The following ARL6 variants were observed in gnomAD, a reference collection of about 807,000 sequenced individuals.
ARL6 encodes ARF like GTPase 6, also known as ADP-ribosylation factor-like protein 6.
In ARL6, 18 loss-of-function variants were observed where a neutral mutation model predicts 27.1. That is an observed-to-expected ratio of 0.66 (90% CI 0.46 to 0.98). The LOEUF is 0.98. Among genes scored for constraint, ARL6 ranks in the 50% least tolerant of loss-of-function variants. ARL6 has a pLI of 0.00. For missense variants in ARL6, 187 were observed against 214.9 expected (o/e 0.87, Z 0.81); for synonymous variants, 65 against 72.3 (o/e 0.90, Z 0.51).
intron 1 of ARL6, 130 bp from the exon 2 acceptor site, chr3:97,767,951 A>C: frequency 1.2e-6 from 1 of 815,830 alleles, no homozygotes; most frequent in Non-Finnish European, 1.9e-6. Context: ...CTAAGTGCAA[A>C]GCTACATTGA....
At chr3:97,779,014 C>T (rs2037047044) in intron 2 of ARL6, among the ~76,000 whole-genome samples, 1 of 152,086 alleles carries the variant, frequency 6.6e-6, no homozygotes, top group South Asian at 2.1e-4. Flanking sequence ...AATAGTTTTT[C>T]TGATGAAAGT....
At chr3:97,787,864 G>T in intron 5 of ARL6, 126 bp from the exon 6 acceptor site, 1 of 941,350 alleles carries the variant, frequency 1.1e-6, no homozygotes. Flanking sequence ...GTCTTTAAAT[G>T]TTTCTGTGTG....
At chr3:97,776,891 T>G (rs2036935388) in intron 2 of ARL6, among the ~76,000 whole-genome samples, 1 of 152,230 alleles carries the variant, frequency 6.6e-6, no homozygotes, top group Non-Finnish European at 1.5e-5. Context: ...ACTCATAACT[T>G]GAGGTGACCT....
At chr3:97,765,842 A>C (rs1485863344) in intron 1 of ARL6, 2 of 152,248 alleles carry the variant, frequency 1.3e-5, no homozygotes, top group Non-Finnish European at 2.9e-5. Flanking sequence ...CGATTAACAA[A>C]TATTGACTGG....
chr3:97,778,491 C>G (rs1450587904), intron 2 of ARL6, among the ~76,000 whole-genome samples: 1 of 152,012 alleles, frequency 6.6e-6, no homozygotes, highest in Admixed American at 6.6e-5. Flanking sequence ...AGTAGACTAC[C>G]AGAGTGAATG....
chr3:97,785,893 T>C (rs751336805), intron 5 of ARL6, among the ~76,000 whole-genome samples: 1 of 152,188 alleles, frequency 6.6e-6, no homozygotes, highest in Non-Finnish European at 1.5e-5. Flanking sequence ...AACTGTGGAT[T>C]TGTTAGAAAT....
chr3:97,765,215 T>G (rs1365085917), intron 1 of ARL6, among the ~76,000 whole-genome samples: 4 of 56,508 alleles, frequency 7.1e-5, no homozygotes, highest in East Asian at 9.1e-4. Flanking sequence ...ATTGGGGGTG[T>G]GTGTGTGTGT....
chr3:97,794,152 G>A (rs2037877949), intron 7 of ARL6, among the ~76,000 whole-genome samples: 1 of 150,242 alleles, frequency 6.7e-6, no homozygotes, highest in African/African-American at 2.5e-5. Flanking sequence ...CAAATAGGAG[G>A]TGCTTTGGTT....
At chr3:97,780,356 C>A in intron 3 of ARL6, 136 bp downstream of exon 3, 2 of 765,550 alleles carry the variant, frequency 2.6e-6, no homozygotes, top group East Asian at 2.6e-5. Flanking sequence ...TGTTTCTAAC[C>A]ACTATGGCTG....
intron 2 of ARL6, among the ~76,000 whole-genome samples, chr3:97,772,285 C>G (rs1330294464): frequency 6.6e-6 from 1 of 152,110 alleles, no homozygotes; most frequent in African/African-American, 2.4e-5. Context: ...TTATCCACTT[C>G]TATGTTATCC....
intron 6 of ARL6, 65 bp downstream of exon 6, chr3:97,788,184 C>A: frequency 2.0e-6 from 3 of 1,512,220 alleles, no homozygotes; most frequent in Middle Eastern, 2.3e-4. Flanking sequence ...AGAGTTGTTT[C>A]TTCTGATCTC....
intron 4 of ARL6, among the ~76,000 whole-genome samples, chr3:97,781,907 C>A (rs1021336089): frequency 3.3e-5 from 5 of 152,010 alleles, no homozygotes; most frequent in Non-Finnish European, 7.4e-5. Context: ...TAGATTAACT[C>A]TTTCCTAATA....
At chr3:97,786,726 A>G (rs1267507906) in intron 5 of ARL6, among the ~76,000 whole-genome samples, 2 of 152,216 alleles carry the variant, frequency 1.3e-5, no homozygotes, top group Non-Finnish European at 2.9e-5. Context: ...CTACAGGGAT[A>G]TTTCTATACT....
chr3:97,780,747 C>T, intron 4 of ARL6, 64 bp downstream of exon 4: 1 of 1,293,716 alleles, frequency 7.7e-7, no homozygotes, highest in Non-Finnish European at 1.1e-6. Context: ...ATTAGAAATC[C>T]AAAGAATTAT....
chr3:97,775,398 G>A (rs1157790592), intron 2 of ARL6, among the ~76,000 whole-genome samples: 1 of 152,054 alleles, frequency 6.6e-6, no homozygotes, highest in African/African-American at 2.4e-5. Flanking sequence ...TCAAGGGCAG[G>A]AAGCATCCAG....
intron 7 of ARL6, among the ~76,000 whole-genome samples, chr3:97,796,985 G>T (rs1424375117): frequency 6.6e-6 from 1 of 151,946 alleles, no homozygotes; most frequent in African/African-American, 2.4e-5. Context: ...GGAAAATCTT[G>T]GTACCAGCAT....
chr3:97,797,989 G>C, intron 7 of ARL6, 35 bp from the exon 8 acceptor site: 2 of 1,604,316 alleles, frequency 1.2e-6, no homozygotes, highest in Non-Finnish European at 1.7e-6. Context: ...TTGCCCTATA[G>C]AGATTGATAA....
At chr3:97,790,050 A>ATT (rs1016675378) in intron 6 of ARL6, among the ~76,000 whole-genome samples, 1 of 75,680 alleles carries the variant, frequency 1.3e-5, no homozygotes, top group Non-Finnish European at 2.7e-5. Flanking sequence ...TGGCATCATG[A>ATT]TTGTGTGTGT....
chr3:97,789,488 C>T (rs185718783), intron 6 of ARL6, among the ~76,000 whole-genome samples: 1 of 152,066 alleles, frequency 6.6e-6, no homozygotes, highest in Non-Finnish European at 1.5e-5. Flanking sequence ...AAATAATTAA[C>T]CATTACATTT....
Sources: gnomAD v4.1 joint callset for allele counts (sites outside exome capture counted in the v4.1 genomes callset) on GRCh38, gnomAD v4.1.1 for gene constraint, MANE v1.5 for transcripts, NCBI Gene and HGNC (gene_info 2026-07-23, HGNC 2026-07-21) for gene names.